Variants in DDHD1 observed in about 807,000 individuals in gnomAD.
DDHD1 encodes phospholipase DDHD1.
DDHD1 carries 49 observed loss-of-function variants against 96.4 expected under a neutral mutation model. The observed-to-expected ratio is 0.51, with a 90% CI of 0.40 to 0.64. DDHD1 has a LOEUF of 0.64. DDHD1 is among the 30% of genes least tolerant of loss of function. DDHD1 has a pLI of 0.00. For synonymous variants in DDHD1, 442 were observed against 446.5 expected, an observed-to-expected ratio of 0.99 and a Z score of 0.13; for missense variants, 1,106 against 1,161.2, an observed-to-expected ratio of 0.95 and a Z score of 0.69.
intron 1 of DDHD1, among the ~76,000 whole-genome samples, chr14:53,139,462 G>A (rs1374801938): frequency 6.6e-6 from 1 of 152,174 alleles, no homozygotes; most frequent in African/African-American, 2.4e-5. Flanking sequence ...GCAAGGCAAT[G>A]CTATGGGAAT....
chr14:53,153,062 C>T lies in DDHD1; in HGVS notation c.37G>A (p.Glu13Lys), dbSNP rs1316038559. ...CCGCCGCCGCCTCGGCCGTTATGCT[C>T]GGGGCTCCGTGGGGACCCGCGGCCC... The part of the protein sequence containing the change: ...YPGRGSPRSP[E>K]HNGRGGGGGA... The change falls in exon 1 of 13, where the codon GAG becomes AAG. Residue 13 changes from glutamate to lysine, a missense_variant. Coordinates refer to ENST00000673822, the MANE Select transcript of DDHD1 (RefSeq NM_001160148.2). The T allele has an allele frequency of 2.0e-6, 3 of 1,479,900 alleles. No individual in the cohort carries two copies. Among genetic ancestry groups the T allele is most frequent in the South Asian group, 2.7e-5 (2 of 75,212 alleles). 91.7% of individuals were successfully genotyped at this position (1,479,900 alleles called of 1,614,324 possible).
chr14:53,134,788 A>C lies in DDHD1; in HGVS notation c.838+17473T>G, dbSNP rs144606599. Among the ~76,000 whole-genome samples, 1,431 of 152,242 alleles carry C rather than the reference A, an allele frequency of 9.4e-3. 22 individuals carry two copies. The highest frequency in any genetic ancestry group is 0.033 in the African/African-American group (1,361 of 41,522). ...GATGTCCTGGGTACTCCCAGTTCTT[A>C]GTCCTTTAATACCTGTTTTCCTCTT... On this transcript the variant is annotated intron_variant, in intron 1 of 12. Transcript: ENST00000673822.
In DDHD1 at chr14:53,040,596, C is replaced by G. The variant is rs769063134; in HGVS notation, c.*6172G>C. 5.0e-4 allele frequency: 76 copies of G among 152,176 alleles called. No homozygotes were observed. The highest frequency in any genetic ancestry group is 7.1e-4 in the Non-Finnish European group (48 of 68,036). 9.4% of individuals were successfully genotyped at this position (152,176 alleles called of 1,614,324 possible). On this transcript the variant is annotated 3_prime_UTR_variant, in exon 13 of 13. Coordinates refer to ENST00000673822, the MANE Select transcript of DDHD1 (RefSeq NM_001160148.2). ...TTATTAAATGTGCATGCACCAGTTCCAGCTGAGAAAATCAGAACTGGACAA... is the reference window on the plus strand; with the variant it reads ...TTATTAAATGTGCATGCACCAGTTCGAGCTGAGAAAATCAGAACTGGACAA...
rs149402152 is a variant in DDHD1 at position 53,107,302 on chromosome 14, T to C, written c.839-3446A>G. On this transcript the variant is annotated intron_variant, in intron 1 of 12. Coordinates refer to ENST00000673822, the MANE Select transcript of DDHD1 (RefSeq NM_001160148.2). ...GCTTTGGAGCCATTATTAAATAAAA[T>C]AAAGGTAACTTGAACACAAGCACTT... Among the ~76,000 whole-genome samples, 90 of 152,288 alleles carry C rather than the reference T, an allele frequency of 5.9e-4. 5 individuals carry two copies. The East Asian group carries it at 0.017, about 29-fold the overall frequency.
chr14:53,052,880 T>TA (rs1882724360), intron 11 of DDHD1: 1 of 151,478 alleles, frequency 6.6e-6, no homozygotes, highest in African/African-American at 2.4e-5. Context: ...GCTCTCAAAA[T>TA]AAAAAGATGC....
chr14:53,084,813 G>T (rs1003786355), intron 4 of DDHD1, among the ~76,000 whole-genome samples: 1 of 152,214 alleles, frequency 6.6e-6, no homozygotes, highest in East Asian at 1.9e-4. Flanking sequence ...AGCCGAAGCA[G>T]GGTGGGGCAT....
chr14:53,103,617 C>T, intron 2 of DDHD1, 66 bp downstream of exon 2: 1 of 1,258,612 alleles, frequency 7.9e-7, no homozygotes, highest in African/African-American at 1.5e-5. Flanking sequence ...ATTTACAAAC[C>T]ACTCTAAACT....
At position 53,091,732 on chromosome 14, in the gene DDHD1, A is replaced by T; in HGVS notation, c.1289+53T>A. ...ACTGTTAATATCTCTTATACCCTGGATCAAAGTTTGGATTCTAGATTAGAT... is the reference window on the plus strand; with the variant it reads ...ACTGTTAATATCTCTTATACCCTGGTTCAAAGTTTGGATTCTAGATTAGAT... On this transcript the variant is annotated intron_variant, in intron 4 of 12. Transcript: ENST00000673822. 3 of 1,574,774 alleles carry T rather than the reference A, an allele frequency of 1.9e-6. No individual in the cohort carries two copies. In the South Asian group the frequency reaches 3.5e-5, roughly 18 times the overall value.
intron 6 of DDHD1, among the ~76,000 whole-genome samples, chr14:53,072,131 T>C (rs1408924610): frequency 6.6e-6 from 1 of 152,102 alleles, no homozygotes; most frequent in Non-Finnish European, 1.5e-5. Context: ...AGTGACAGAA[T>C]GCATTTGGTG....
In DDHD1 at chr14:53,061,328, G is replaced by T. The variant is rs73294017; in HGVS notation, c.1767-127C>A. 9.9e-3 allele frequency: 6,618 copies of T among 666,882 alleles called. 324 individuals carry two copies. In the African/African-American group the frequency reaches 0.1, roughly 11 times the overall value. The allele number at this position is 666,882 out of a possible 1,614,324, so 41.3% of individuals were successfully genotyped here. A position where few individuals can be genotyped will look rare whatever the true frequency, so the allele number is the denominator to read the frequency against. ...ACTATCCCTCACATTAATCCTGGTT[G>T]ACAGTATTTAATAAATGTCTCTGCC... On this transcript the variant is annotated intron_variant, in intron 7 of 12. Transcript: ENST00000673822.
At chr14:53,095,400 T>C (rs1003117497) in intron 2 of DDHD1, among the ~76,000 whole-genome samples, 7 of 152,116 alleles carry the variant, frequency 4.6e-5, no homozygotes, top group Non-Finnish European at 7.4e-5. Context: ...TAAAAAGATA[T>C]AGCTCTGGTC....
intron 1 of DDHD1, among the ~76,000 whole-genome samples, chr14:53,115,859 T>G (rs1163320862): frequency 6.6e-6 from 1 of 151,964 alleles, no homozygotes; most frequent in African/African-American, 2.4e-5. Context: ...AATAACAGGA[T>G]CAAATTCACA....
chr14:53,082,758 C>CTAA (rs1381395817), intron 4 of DDHD1, among the ~76,000 whole-genome samples: 14 of 98,876 alleles, frequency 1.4e-4, no homozygotes, highest in African/African-American at 4.7e-4. Flanking sequence ...GACTCTATCT[C>CTAA]AAAAAAAAAA....
intron 1 of DDHD1, among the ~76,000 whole-genome samples, chr14:53,125,891 C>T (rs1240385842): frequency 6.6e-6 from 1 of 152,076 alleles, no homozygotes; most frequent in Admixed American, 6.5e-5. Flanking sequence ...TTAGTAGAGA[C>T]AGGGTTTCAC....
chr14:53,149,515 C>T (rs58293171), intron 1 of DDHD1, among the ~76,000 whole-genome samples: 1,594 of 152,270 alleles, frequency 0.01, 32 homozygotes, highest in African/African-American at 0.035. Flanking sequence ...TGAAAACTTA[C>T]ACACAGAGAC....
intron 2 of DDHD1, among the ~76,000 whole-genome samples, chr14:53,102,047 A>T (rs1189701804): frequency 6.6e-6 from 1 of 152,048 alleles, no homozygotes; most frequent in African/African-American, 2.4e-5. Context: ...CAGGTGGCTA[A>T]ACTGGGTTTG....
At position 53,152,885 on chromosome 14, in the gene DDHD1, CGGTGCCCGGCGCCAAATGCAGCCCG is replaced by C. The variant is rs1891558951; in HGVS notation, c.189_213del (p.Gly64ThrfsTer88). The C allele has an allele frequency of 6.2e-7, 1 of 1,609,128 alleles. No individual in the cohort carries two copies. The highest frequency in any genetic ancestry group is 1.7e-5 in the Admixed American group (1 of 59,512). ...AGCGCGAGGTGGTGGTTGTGGTCGT[CGGTGCCCGGCGCCAAATGCAGCCCG>C]GGTTCCCCGCGCAGCAGGGCCAGGG... On this transcript the variant is annotated frameshift_variant, in exon 1 of 13. Coordinates refer to ENST00000673822, the MANE Select transcript of DDHD1 (RefSeq NM_001160148.2). LOFTEE classifies it high-confidence loss of function.
At chr14:53,144,149 C>A (rs8011822) in intron 1 of DDHD1, among the ~76,000 whole-genome samples, 151,892 of 152,382 alleles carry the variant, frequency 1, 75,708 homozygotes, top group Non-Finnish European at 1. Flanking sequence ...AACAAGCAAA[C>A]CAGTAAATAG....
At chr14:53,101,953 G>A (rs1295282363) in intron 2 of DDHD1, among the ~76,000 whole-genome samples, 1 of 151,766 alleles carries the variant, frequency 6.6e-6, no homozygotes, top group Non-Finnish European at 1.5e-5. Flanking sequence ...TGAGAAAGGG[G>A]AACCATCTAC....
Sources: gnomAD v4.1 joint callset for allele counts (sites outside exome capture counted in the v4.1 genomes callset) on GRCh38, gnomAD v4.1.1 for gene constraint, MANE v1.5 for transcripts, NCBI Gene and HGNC (gene_info 2026-07-23, HGNC 2026-07-21) for gene names.